ANKRD16: variants seen among roughly 807,000 people sequenced by gnomAD.
ANKRD16 encodes ankyrin repeat domain-containing protein 16.
In ANKRD16, 35 loss-of-function variants were observed where a neutral mutation model predicts 37.9. That is an observed-to-expected ratio of 0.92 (90% CI 0.71 to 1.23). ANKRD16 has a LOEUF of 1.23. ANKRD16 is among the 50% of genes most tolerant of loss of function. ANKRD16 has a pLI of 0.00. For missense variants in ANKRD16, 480 were observed against 469.9 expected (o/e 1.02, Z -0.20); for synonymous variants, 206 against 197.2 (o/e 1.04, Z -0.37).
At chr10:5,877,333 G>GC (rs1842200758) in intron 7 of ANKRD16, among the ~76,000 whole-genome samples, 2 of 152,164 alleles carry the variant, frequency 1.3e-5, no homozygotes, top group African/African-American at 4.8e-5. Context: ...GGCTGGTCTT[G>GC]AACTCCCGGC....
intron 4 of ANKRD16, 121 bp from the exon 5 acceptor site, chr10:5,883,288 G>T (rs1842351386): frequency 2.0e-6 from 2 of 988,256 alleles, no homozygotes; most frequent in African/African-American, 3.3e-5. Context: ...TCTGGGCAGA[G>T]GATATGTGGC....
Position 5,869,733 on chromosome 10 carries a change from C to T in ANKRD16, c.*34-7042G>A, listed in dbSNP as rs2131755908. ...CTACTCAATGCAGCAGCTATGGCCG[C>T]CCCTGGGAACTAGCTGGAAGCAGCT... On this transcript the variant is annotated intron_variant, in intron 7 of 7. Coordinates refer to ENST00000380094, the MANE Select transcript of ANKRD16 (RefSeq NM_019046.3). This position sits in a 1 kb window ranked among gnomAD's most constrained non-coding sequence, Gnocchi z 4.0. 7.2e-6 allele frequency among the ~76,000 whole-genome samples: 1 copy of T among 139,432 alleles called. No homozygotes were observed. Among genetic ancestry groups the T allele is most frequent in the African/African-American group, 2.6e-5 (1 of 37,974 alleles). The allele number at this position is 139,432 out of a possible 152,430, so 91.5% of individuals were successfully genotyped here.
At chr10:5,888,133 C>T (rs1329246451) in intron 1 of ANKRD16, 66 bp from the exon 2 acceptor site, 3 of 1,398,738 alleles carry the variant, frequency 2.1e-6, no homozygotes, top group African/African-American at 1.4e-5. Context: ...GGGGCCAGGT[C>T]TTCAAAACAC....
intron 7 of ANKRD16, among the ~76,000 whole-genome samples, chr10:5,877,186 C>T (rs1842199201): frequency 6.6e-6 from 1 of 152,154 alleles, no homozygotes; most frequent in Admixed American, 6.5e-5. Context: ...TATCTCAGCT[C>T]ACTGCAACCT....
intron 7 of ANKRD16, among the ~76,000 whole-genome samples, chr10:5,872,355 T>C (rs2669123): frequency 0.9 from 136,215 of 151,482 alleles, 61,357 homozygotes; most frequent in African/African-American, 0.95. Context: ...GGAGGGCGCC[T>C]GTAATCCCAG....
intron 5 of ANKRD16, chr10:5,881,116 G>A (rs1842295004): frequency 1.1e-6 from 1 of 903,412 alleles, no homozygotes; most frequent in Admixed American, 6.2e-5. Flanking sequence ...CATATCTAAA[G>A]TAAGATATTG....
Position 5,863,189 on chromosome 10 carries a change from G to T in ANKRD16, c.*34-498C>A, listed in dbSNP as rs566379410. Among the ~76,000 whole-genome samples the T allele has an allele frequency of 6.6e-6, 1 of 152,176 alleles. No individual in the cohort carries two copies. The highest frequency in any genetic ancestry group is 6.5e-5 in the Admixed American group (1 of 15,278). ...GAGACATGCAGATCCCACAGGAGAG[G>T]GAAGGGGGAGCTGCTCTCAATTCAG... On this transcript the variant is annotated intron_variant, in intron 7 of 7. Transcript: ENST00000380094. The surrounding 1 kb of genome is among the most constrained non-coding windows in gnomAD (Gnocchi z 4.7).
At position 5,864,448 on chromosome 10, in the gene ANKRD16, G is replaced by C. The variant is rs1438934564; in HGVS notation, c.*34-1757C>G. On this transcript the variant is annotated intron_variant, in intron 7 of 7. Coordinates refer to ENST00000380094, the MANE Select transcript of ANKRD16 (RefSeq NM_019046.3). The surrounding 1 kb of genome is among the most constrained non-coding windows in gnomAD (Gnocchi z 4.4). ...CCTTCTCTGATTTAAAGCAGATCAA[G>C]GTAGACCTGGGTAAGTTTTCAGATA... 6.6e-6 allele frequency among the ~76,000 whole-genome samples: 1 copy of C among 152,082 alleles called. No individual in the cohort carries two copies. Among genetic ancestry groups the C allele is most frequent in the Non-Finnish European group, 1.5e-5 (1 of 68,036 alleles).
intron 4 of ANKRD16, 149 bp downstream of exon 4, chr10:5,883,820 T>G (rs1246549476): frequency 1.6e-6 from 1 of 615,636 alleles, no homozygotes; most frequent in Non-Finnish European, 2.8e-6. Context: ...GGAACACTGG[T>G]GCTTAAAGAG....
Position 5,870,227 on chromosome 10 carries a change from G to A in ANKRD16, c.*34-7536C>T, listed in dbSNP as rs1383796562. Among the ~76,000 whole-genome samples the A allele has an allele frequency of 6.6e-6, 1 of 151,858 alleles. No individual in the cohort carries two copies. Among genetic ancestry groups the A allele is most frequent in the African/African-American group, 2.4e-5 (1 of 41,306 alleles). On this transcript the variant is annotated intron_variant, in intron 7 of 7. Coordinates refer to ENST00000380094, the MANE Select transcript of ANKRD16 (RefSeq NM_019046.3). The surrounding 1 kb of genome is among the most constrained non-coding windows in gnomAD (Gnocchi z 5.0). The stretch of plus-strand genomic sequence containing the variant: ...TCCCATTCTCTCTCAAACCTGCTCT[G>A]ATCTTTGTCCAGCTCCTCACCGACC...
chr10:5,880,247 G>T, intron 6 of ANKRD16, 51 bp downstream of exon 6: 3 of 838,252 alleles, frequency 3.6e-6, no homozygotes, highest in Non-Finnish European at 5.5e-6. Context: ...AAAGTGTATT[G>T]GTTATACTCA....
Position 5,864,163 on chromosome 10 carries a change from T to C in ANKRD16, c.*34-1472A>G, listed in dbSNP as rs2131750654. 6.6e-6 allele frequency among the ~76,000 whole-genome samples: 1 copy of C among 152,226 alleles called. No individual in the cohort carries two copies. Among genetic ancestry groups the C allele is most frequent in the South Asian group, 2.1e-4 (1 of 4,826 alleles). On this transcript the variant is annotated intron_variant, in intron 7 of 7. Coordinates refer to ENST00000380094, the MANE Select transcript of ANKRD16 (RefSeq NM_019046.3). The surrounding 1 kb of genome is among the most constrained non-coding windows in gnomAD (Gnocchi z 4.4). ...GAAATACCTTATGTCCAAGCTTTCT[T>C]TTAAGGAGAATCCACAACTATGCAA...
rs1185472087 is a variant in ANKRD16 at position 5,866,244 on chromosome 10, C to T, written c.*34-3553G>A. Among the ~76,000 whole-genome samples the T allele has an allele frequency of 6.6e-6, 1 of 152,190 alleles. No individual in the cohort carries two copies. The highest frequency in any genetic ancestry group is 1.5e-5 in the Non-Finnish European group (1 of 68,042). On this transcript the variant is annotated intron_variant, in intron 7 of 7. Transcript: ENST00000380094. The surrounding 1 kb of genome is among the most constrained non-coding windows in gnomAD (Gnocchi z 4.3). Reference sequence around the variant, plus strand: ...CACTTTTCTCCCAGAGGATGGGGAACCGATCGAGCATGACTGCCAACAAGT... The same window carrying T: ...CACTTTTCTCCCAGAGGATGGGGAATCGATCGAGCATGACTGCCAACAAGT...
intron 7 of ANKRD16, among the ~76,000 whole-genome samples, chr10:5,876,277 G>A (rs537030912): frequency 1.2e-4 from 18 of 152,206 alleles, no homozygotes; most frequent in African/African-American, 1.9e-4. Context: ...ACAAAGGTGC[G>A]TGGAATCTAG....
At chr10:5,882,855 A>C in intron 5 of ANKRD16, 151 bp downstream of exon 5, 1 of 804,548 alleles carries the variant, frequency 1.2e-6, no homozygotes, top group Non-Finnish European at 1.9e-6. Context: ...AAAGAGATAA[A>C]GCGCTTCAGA....
In ANKRD16 at chr10:5,862,816, T is replaced by C. The variant is rs1212015827; in HGVS notation, c.*34-125A>G. The C allele has an allele frequency of 5.9e-5, 31 of 525,630 alleles. No homozygotes were observed. In the Admixed American group the frequency reaches 7.9e-4, roughly 13 times the overall value. 32.6% of individuals were successfully genotyped at this position (525,630 alleles called of 1,614,324 possible). A position where few individuals can be genotyped will look rare whatever the true frequency, so the allele number is the denominator to read the frequency against. On this transcript the variant is annotated intron_variant, in intron 7 of 7. Transcript: ENST00000380094. This position sits in a 1 kb window ranked among gnomAD's most constrained non-coding sequence, Gnocchi z 6.5. The stretch of plus-strand genomic sequence containing the variant: ...GCTGGCTACAGGGCCTGGCTCTACA[T>C]GCTGCACAGTCAGAGAGGGAGAGTC...
chr10:5,880,636 G>GGGGGA (rs1399820864), intron 5 of ANKRD16, among the ~76,000 whole-genome samples: 1 of 146,846 alleles, frequency 6.8e-6, no homozygotes, highest in African/African-American at 2.5e-5. Context: ...AAAAGGAGCA[G>GGGGGA]GGGGGGGATT....
chr10:5,862,360 G>T lies in ANKRD16; in HGVS notation c.*365C>A. 2 of 440,586 alleles carry T rather than the reference G, an allele frequency of 4.5e-6. No homozygotes were observed. Among genetic ancestry groups the T allele is most frequent in the South Asian group, 1.6e-5 (1 of 62,000 alleles). The allele number at this position is 440,586 out of a possible 1,614,324, so 27.3% of individuals were successfully genotyped here. On this transcript the variant is annotated 3_prime_UTR_variant, in exon 8 of 8. Transcript: ENST00000380094. This position sits in a 1 kb window ranked among gnomAD's most constrained non-coding sequence, Gnocchi z 6.5. ...GTCGGTGGTTCCTGAGGGTTGTGAC[G>T]ATCAGGGCAGAGGCAGAAGGCACCA...
intron 7 of ANKRD16, among the ~76,000 whole-genome samples, chr10:5,875,153 ACT>A (rs1842164362): frequency 6.6e-6 from 1 of 151,948 alleles, no homozygotes; most frequent in African/African-American, 2.4e-5. Context: ...TCAAGTAGAG[ACT>A]CTTCATGAAA....
Sources: allele counts gnomAD v4.1 joint callset (sites outside exome capture counted in the v4.1 genomes callset), GRCh38; gene constraint gnomAD v4.1.1; non-coding constraint Gnocchi (gnomAD v3.1); transcripts MANE v1.5; gene names NCBI Gene and HGNC (gene_info 2026-07-23, HGNC 2026-07-21).